The following ERMARD variants were observed in gnomAD, a reference collection of about 807,000 sequenced individuals.
ERMARD encodes the protein ER membrane associated RNA degradation.
ERMARD carries 71 observed loss-of-function variants against 83.9 expected under a neutral mutation model. That is an observed-to-expected ratio of 0.85 (90% confidence interval 0.70 to 1.03). ERMARD has a LOEUF of 1.03. Ranked by LOEUF, ERMARD falls within the 50% of genes least tolerant of loss-of-function variation. The probability of loss-of-function intolerance (pLI) is 0.00; values close to 1 mark genes in which losing one functional copy is unlikely to be tolerated. For synonymous variants in ERMARD, 284 were observed against 298.6 expected, an observed-to-expected ratio of 0.95 and a Z score of 0.50; for missense variants, 838 against 810.9, an observed-to-expected ratio of 1.03 and a Z score of -0.41.
At chr6:169,780,275 C>T (rs922442187) in intron 17 of ERMARD, among the ~76,000 whole-genome samples, 2 of 152,144 alleles carry the variant, frequency 1.3e-5, no homozygotes, top group African/African-American at 2.4e-5. Flanking sequence ...AATGGCACCC[C>T]TACCCTCCGT....
intron 1 of ERMARD, among the ~76,000 whole-genome samples, chr6:169,752,175 C>G (rs1275262408): frequency 1.3e-5 from 2 of 152,192 alleles, no homozygotes; most frequent in Non-Finnish European, 2.9e-5. Flanking sequence ...GAGCCGAGAT[C>G]GCGCCACTGC....
intron 7 of ERMARD, among the ~76,000 whole-genome samples, chr6:169,760,309 T>C (rs1791381740): frequency 6.6e-6 from 1 of 152,224 alleles, no homozygotes; most frequent in East Asian, 1.9e-4. Flanking sequence ...TTTGTACTCA[T>C]GATCATTATG....
rs756893835 is a variant in ERMARD at position 169,756,792 on chromosome 6, T to C, written c.491T>C (p.Val164Ala). The C allele has an allele frequency of 3.7e-6, 6 of 1,614,050 alleles. No individual in the cohort carries two copies. The Admixed American group carries it at 8.3e-5, about 22-fold the overall frequency. Reference sequence around the variant, plus strand: ...CTTTCATCTGAGGAGCTTGCTCAAGTCTTCAGTCAGTCTGTGGTAAGCTTG... The same window carrying C: ...CTTTCATCTGAGGAGCTTGCTCAAGCCTTCAGTCAGTCTGTGGTAAGCTTG... Reference protein sequence around the residue: ...DLLSSEELAQVFSQSVMNVLK... With the variant: ...DLLSSEELAQAFSQSVMNVLK... Residue 164 changes from valine (V) to alanine (A), a missense_variant, in exon 5 of 18, where the codon GTC (valine) becomes GCC (alanine). Physicochemically the swap from Val to Ala is moderately conservative, Grantham distance 64. Coordinates refer to ENST00000366773, the MANE Select transcript of ERMARD (RefSeq NM_018341.3).
chr6:169,753,840 CTTTTA>C lies in ERMARD; in HGVS notation c.7-9_7-5del, dbSNP rs768502290. 59 of 1,485,656 alleles carry C rather than the reference CTTTTA, an allele frequency of 4.0e-5. No individual in the cohort carries two copies. The highest frequency in any genetic ancestry group is 1.1e-4 in the South Asian group (8 of 74,678). The allele number at this position is 1,485,656 out of a possible 1,614,324, so 92.0% of individuals were successfully genotyped here. A position where few individuals can be genotyped will look rare whatever the true frequency, so the allele number is the denominator to read the frequency against. On this transcript the variant is annotated intron_variant, in intron 1 of 17. Coordinates refer to ENST00000366773, the MANE Select transcript of ERMARD (RefSeq NM_018341.3). ...TATTTTTCTTTCTGTTAAGCAGTGC[CTTTTA>C]TTTTATTTTATTTTTTAGGTATTAA...
intron 8 of ERMARD, among the ~76,000 whole-genome samples, chr6:169,761,058 G>T (rs1791486806): frequency 6.6e-6 from 1 of 152,192 alleles, no homozygotes; most frequent in Non-Finnish European, 1.5e-5. Flanking sequence ...AGATAAGCCA[G>T]CTTCGTCCTT....
intron 12 of ERMARD, chr6:169,771,014 A>G (rs932641024): frequency 1.3e-5 from 2 of 151,820 alleles, no homozygotes; most frequent in Non-Finnish European, 2.9e-5. Flanking sequence ...TTTGCTTTTC[A>G]AAATTAAAAA....
chr6:169,770,842 TTTG>T (rs1283957970), intron 12 of ERMARD: 1 of 152,120 alleles, frequency 6.6e-6, no homozygotes, highest in Non-Finnish European at 1.5e-5. Context: ...TTATAATTCC[TTTG>T]TTAATTGCCT....
chr6:169,752,676 A>G (rs1337388103), intron 1 of ERMARD, among the ~76,000 whole-genome samples: 1 of 152,178 alleles, frequency 6.6e-6, no homozygotes, highest in Non-Finnish European at 1.5e-5. Flanking sequence ...GACTGTCACA[A>G]CACAGCCCCC....
At chr6:169,764,983 G>A (rs1792020576) in intron 9 of ERMARD, among the ~76,000 whole-genome samples, 1 of 152,200 alleles carries the variant, frequency 6.6e-6, no homozygotes, top group African/African-American at 2.4e-5. Context: ...GTCTCTGCGG[G>A]TTCTCTGAGG....
intron 1 of ERMARD, among the ~76,000 whole-genome samples, chr6:169,752,547 T>C (rs1790262282): frequency 6.6e-6 from 1 of 152,174 alleles, no homozygotes; most frequent in African/African-American, 2.4e-5. Context: ...TGTTAGGGCC[T>C]GCTGGGATTG....
At chr6:169,767,722 A>G (rs1279624223) in intron 10 of ERMARD, 2 of 239,110 alleles carry the variant, frequency 8.4e-6, no homozygotes, top group Non-Finnish European at 1.7e-5. Flanking sequence ...CCACATATAC[A>G]CACACAGGCA....
rs1161478295 is a variant in ERMARD, at chr6:169,776,512, C to T, written c.1578C>T (p.Pro526=). The T allele has an allele frequency of 6.2e-7, 1 of 1,614,170 alleles. No individual in the cohort carries two copies. Among genetic ancestry groups the T allele is most frequent in the Admixed American group, 1.7e-5 (1 of 60,018 alleles). Residue 526 remains proline (P), a synonymous_variant, in exon 16 of 18, where the codon CCC becomes CCT. Coordinates refer to ENST00000366773, the MANE Select transcript of ERMARD (RefSeq NM_018341.3). ...CACCTGTTCCCACCCTGTTCTGCCC[C>T]AGGATTGTGCTGGAAGTGCTGGTTG... is the stretch of plus-strand genomic sequence containing the variant. ...CSTPVPTLFC[P]RIVLEVLVVL...
chr6:169,776,813 A>G, intron 16 of ERMARD, 140 bp downstream of exon 16: 1 of 1,017,466 alleles, frequency 9.8e-7, no homozygotes, highest in Non-Finnish European at 1.4e-6. Flanking sequence ...CTTGGAGTCC[A>G]CAACTGAGTG....
intron 7 of ERMARD, 84 bp from the exon 8 acceptor site, chr6:169,760,558 C>A: frequency 1.0e-6 from 1 of 966,616 alleles, no homozygotes. Context: ...GGGGTTGGCT[C>A]ATTGGCATCA....
In ERMARD at chr6:169,776,620, G is replaced by A. The variant is rs767359512; in HGVS notation, c.1686G>A (p.Val562=). The change falls in exon 16 of 18, where the codon GTG becomes GTA. Residue 562 remains valine, a synonymous_variant. Transcript: ENST00000366773. ...CAGAGCTGAGACACAGGCAGTGGGTGGAAAGGACGCTGCGGTCTCGCCAGC... is the reference window on the plus strand; with the variant it reads ...CAGAGCTGAGACACAGGCAGTGGGTAGAAAGGACGCTGCGGTCTCGCCAGC... ...VASELRHRQW[V]ERTLRSRQRQ... The A allele has an allele frequency of 7.4e-6, 12 of 1,614,220 alleles. No homozygotes were observed. The highest frequency in any genetic ancestry group is 9.3e-6 in the Non-Finnish European group (11 of 1,180,048).
At chr6:169,755,114 T>C (rs1251240630) in intron 2 of ERMARD, among the ~76,000 whole-genome samples, 169 bp from the exon 3 acceptor site, 3 of 152,228 alleles carry the variant, frequency 2.0e-5, no homozygotes, top group Non-Finnish European at 2.9e-5. Flanking sequence ...ATAAGCATTA[T>C]GTGATTTATT....
chr6:169,757,664 A>G (rs749693089), intron 5 of ERMARD, among the ~76,000 whole-genome samples: 1 of 152,232 alleles, frequency 6.6e-6, no homozygotes, highest in South Asian at 2.1e-4. Context: ...AGGCAGGGTC[A>G]AGATGGAGAA....
At position 169,760,386 on chromosome 6, in the gene ERMARD, G is replaced by A. The variant is rs546216082; in HGVS notation, c.743-256G>A. ...CTGAAAATGTGTTTTACTTCTCTTG[G>A]TCATTGTGCTCAGTTGGTCCATCCT... On this transcript the variant is annotated intron_variant, in intron 7 of 17. Coordinates refer to ENST00000366773, the MANE Select transcript of ERMARD (RefSeq NM_018341.3). 2.0e-5 allele frequency among the ~76,000 whole-genome samples: 3 copies of A among 152,184 alleles called. No homozygotes were observed. The South Asian group carries it at 6.2e-4, about 32-fold the overall frequency.
chr6:169,753,925 A>G lies in ERMARD; in HGVS notation c.68A>G (p.Asn23Ser), dbSNP rs770097620. The change falls in exon 2 of 18, where the codon AAT (asparagine) becomes AGT (serine). Residue 23 changes from asparagine to serine, a missense_variant. Coordinates refer to ENST00000366773, the MANE Select transcript of ERMARD (RefSeq NM_018341.3). ...CCCTCAGTGTATGATATAATTTGTA[A>G]TCTTGGGTTTCAACTCAGAGAAAAT... ...LSPSVYDIIC[N>S]LGFQLRENCD... 24 of 1,613,380 alleles carry G rather than the reference A, an allele frequency of 1.5e-5. No individual in the cohort carries two copies. The highest frequency in any genetic ancestry group is 1.6e-4 in the Middle Eastern group (1 of 6,082).
Sources: gnomAD v4.1 joint callset for allele counts (sites outside exome capture counted in the v4.1 genomes callset) on GRCh38, gnomAD v4.1.1 for gene constraint, MANE v1.5 for transcripts, NCBI Gene and HGNC (gene_info 2026-07-23, HGNC 2026-07-21) for gene names.